The following ARK2C variants were observed in gnomAD, a reference collection of about 807,000 sequenced individuals.
ARK2C encodes the protein E3 ubiquitin-protein ligase ARK2C.
chr18:46,441,884 G>T, the ARK2C span, among the ~76,000 whole-genome samples: 5 of 144,190 alleles, frequency 3.5e-5, no homozygotes, highest in Non-Finnish European at 7.5e-5. Context: ...AAAAAAAGAG[G>T]CCGGGCGCGG....
At chr18:46,450,924 G>C in the ARK2C span, 3 of 703,756 alleles carry the variant, frequency 4.3e-6, no homozygotes, top group Admixed American at 4.5e-5. Context: ...GCTCTGGTTA[G>C]ATGCTCTAAA....
the ARK2C span, chr18:46,336,341 TA>T: frequency 3.0e-6 from 3 of 985,006 alleles, no homozygotes; most frequent in Non-Finnish European, 3.6e-6. Flanking sequence ...CAGCTGCCTT[TA>T]AATTTTATTT....
At chr18:46,400,019 T>G in the ARK2C span, among the ~76,000 whole-genome samples, 2 of 152,164 alleles carry the variant, frequency 1.3e-5, no homozygotes, top group East Asian at 3.9e-4. Flanking sequence ...TGTTCTGATC[T>G]TCAGCCTCTG....
At chr18:46,452,711 A>G in the ARK2C span, among the ~76,000 whole-genome samples, 1 of 152,210 alleles carries the variant, frequency 6.6e-6, no homozygotes, top group South Asian at 2.1e-4. Context: ...CTTGACAAAC[A>G]TTAAGAATCT....
the ARK2C span, among the ~76,000 whole-genome samples, chr18:46,362,276 G>T: frequency 6.1e-4 from 93 of 152,346 alleles, no homozygotes; most frequent in African/African-American, 2.2e-3. Context: ...CAGGGGTTTT[G>T]CAAGAAAGCT....
At chr18:46,460,610 T>G in the ARK2C span, 1 of 152,518 alleles carries the variant, frequency 6.6e-6, no homozygotes, top group East Asian at 1.9e-4. Context: ...TTTCTGGGAG[T>G]GGAATGCTTT....
chr18:46,393,534 A>G, the ARK2C span, among the ~76,000 whole-genome samples: 1 of 151,818 alleles, frequency 6.6e-6, no homozygotes, highest in Non-Finnish European at 1.5e-5. Context: ...GCCCCCCGCC[A>G]CCACCCCACC....
At chr18:46,462,313 T>A in the ARK2C span, 1 of 153,830 alleles carries the variant, frequency 6.5e-6, no homozygotes, top group Non-Finnish European at 1.4e-5. Flanking sequence ...GACTGCCTGC[T>A]TTCCTCCTGC....
the ARK2C span, chr18:46,433,411 G>A: frequency 1.9e-6 from 3 of 1,613,450 alleles, no homozygotes; most frequent in Non-Finnish European, 2.5e-6. Flanking sequence ...GGACGTCACA[G>A]GTCCCTCCTT....
chr18:46,339,158 G>A, the ARK2C span, among the ~76,000 whole-genome samples: 5 of 152,218 alleles, frequency 3.3e-5, no homozygotes, highest in South Asian at 4.2e-4. Context: ...TGTTTGTTTC[G>A]TTTTCTTCTT....
At chr18:46,433,113 C>A in the ARK2C span, 1 of 1,176,054 alleles carries the variant, frequency 8.5e-7, no homozygotes. Context: ...CCCAGGCTGC[C>A]CCGGGTGGGC....
chr18:46,419,317 A>G, the ARK2C span, among the ~76,000 whole-genome samples: 1 of 152,232 alleles, frequency 6.6e-6, no homozygotes, highest in Non-Finnish European at 1.5e-5. Flanking sequence ...GCCCTAGGCC[A>G]GACCTCAGGG....
chr18:46,334,234 C>G, the ARK2C span: 29 of 1,394,154 alleles, frequency 2.1e-5, no homozygotes, highest in Admixed American at 5.2e-5. This position sits in a 1 kb window ranked among gnomAD's most constrained non-coding sequence, Gnocchi z 4.4. Context: ...ACAAAGGGCC[C>G]GCGCGCAGCC....
the ARK2C span, among the ~76,000 whole-genome samples, chr18:46,373,402 C>T: frequency 6.6e-6 from 1 of 152,228 alleles, no homozygotes; most frequent in East Asian, 1.9e-4. Flanking sequence ...GGGCAAGAGT[C>T]ACCCAGCAAG....
At chr18:46,377,830 C>A in the ARK2C span, among the ~76,000 whole-genome samples, 1 of 152,094 alleles carries the variant, frequency 6.6e-6, no homozygotes. Flanking sequence ...TCCATAAATG[C>A]CTGGTCTATT....
the ARK2C span, among the ~76,000 whole-genome samples, chr18:46,425,098 G>C: frequency 2.6e-5 from 4 of 152,202 alleles, no homozygotes; most frequent in Non-Finnish European, 5.9e-5. Flanking sequence ...CCTGCCTCCA[G>C]TGTCCCCTCC....
chr18:46,415,998 G>T, the ARK2C span, among the ~76,000 whole-genome samples: 1 of 152,166 alleles, frequency 6.6e-6, no homozygotes, highest in Non-Finnish European at 1.5e-5. Context: ...TGGCCACTCA[G>T]GGCTGGGGTT....
chr18:46,402,697 T>C, the ARK2C span, among the ~76,000 whole-genome samples: 1 of 152,186 alleles, frequency 6.6e-6, no homozygotes, highest in Non-Finnish European at 1.5e-5. Context: ...CACAAGGTTT[T>C]GCCATGTTGC....
At chr18:46,408,466 G>C in the ARK2C span, among the ~76,000 whole-genome samples, 5 of 152,218 alleles carry the variant, frequency 3.3e-5, no homozygotes, top group Admixed American at 3.3e-4. Context: ...AGAGCACACA[G>C]AGCCTTCAAA....
Sources: gnomAD v4.1 joint callset for allele counts (sites outside exome capture counted in the v4.1 genomes callset) on GRCh38, gnomAD v4.1.1 for gene constraint, Gnocchi (gnomAD v3.1) non-coding constraint, MANE v1.5 for transcripts, NCBI Gene and HGNC (gene_info 2026-07-23, HGNC 2026-07-21) for gene names.